The following PDPK1 variants were observed in gnomAD, a reference collection of about 807,000 sequenced individuals.
PDPK1 encodes 3-phosphoinositide dependent protein kinase 1.
In PDPK1, 7 loss-of-function variants were observed where a neutral mutation model predicts 39.8. That is an observed-to-expected ratio of 0.18 (90% confidence interval 0.10 to 0.33). The LOEUF (loss-of-function observed/expected upper bound fraction) is 0.33, where lower values mean the gene tolerates loss of function less well. Among genes scored for constraint, PDPK1 ranks in the 10% least tolerant of loss-of-function variants. PDPK1 has a pLI of 1.00. For synonymous variants in PDPK1, 118 were observed against 159.1 expected, an observed-to-expected ratio of 0.74 and a Z score of 1.95; for missense variants, 182 against 384.7, an observed-to-expected ratio of 0.47 and a Z score of 4.41.
chr16:2,579,536 G>A (rs2066780138), intron 7 of PDPK1: 1 of 126,950 alleles, frequency 7.9e-6, no homozygotes, highest in Admixed American at 8.2e-5. Flanking sequence ...CTGAACGGAT[G>A]ATGGTAGTTG....
At chr16:2,588,955 A>G (rs1179527392) in intron 11 of PDPK1, among the ~76,000 whole-genome samples, 4 of 151,942 alleles carry the variant, frequency 2.6e-5, no homozygotes, top group East Asian at 3.9e-4. Context: ...TTTGGTATCA[A>G]TATGTTTTGT....
intron 10 of PDPK1, among the ~76,000 whole-genome samples, chr16:2,584,924 G>T (rs923428430): frequency 6.6e-6 from 1 of 152,216 alleles, no homozygotes; most frequent in Non-Finnish European, 1.5e-5. Flanking sequence ...CTCCTGCGTG[G>T]TGTTTGGTTA....
intron 1 of PDPK1, among the ~76,000 whole-genome samples, chr16:2,541,409 G>T (rs187978518): frequency 5.3e-5 from 8 of 152,314 alleles, no homozygotes; most frequent in Admixed American, 5.2e-4. Flanking sequence ...GAAATGAGGG[G>T]GCAAGCGTGG....
chr16:2,558,063 C>T (rs1412911496), intron 2 of PDPK1, 100 bp downstream of exon 2: 2 of 1,424,250 alleles, frequency 1.4e-6, no homozygotes, highest in African/African-American at 1.4e-5. Context: ...GGCTGGTGTC[C>T]TTCCAGGCAG....
At chr16:2,595,503 G>A (rs988707819) in intron 11 of PDPK1, among the ~76,000 whole-genome samples, 1 of 152,184 alleles carries the variant, frequency 6.6e-6, no homozygotes, top group Admixed American at 6.5e-5. Context: ...TCTACAGCAC[G>A]GTCCTCCCCC....
rs1334157191 is a variant in PDPK1 at position 2,601,465 on chromosome 16, G to C, written c.*3698G>C. 8 of 234,460 alleles carry C rather than the reference G, an allele frequency of 3.4e-5. No individual in the cohort carries two copies. Among genetic ancestry groups the C allele is most frequent in the Admixed American group, 2.2e-4 (4 of 17,780 alleles). The allele number at this position is 234,460 out of a possible 1,614,324, so 14.5% of individuals were successfully genotyped here. ...CTGCTGCCGTGGCTTTCAAGCGCTT[G>C]GCAGAATCTTGTACTTCGTGTCCAC... On this transcript the variant is annotated 3_prime_UTR_variant, in exon 14 of 14. Coordinates refer to ENST00000342085, the MANE Select transcript of PDPK1 (RefSeq NM_002613.5).
At chr16:2,577,807 C>T (rs2066744883) in intron 7 of PDPK1, among the ~76,000 whole-genome samples, 1 of 149,340 alleles carries the variant, frequency 6.7e-6, no homozygotes, top group Non-Finnish European at 1.5e-5. Flanking sequence ...GGCACCATCT[C>T]TGCTCGCTGC....
At chr16:2,553,160 CT>C (rs1188885715) in intron 1 of PDPK1, among the ~76,000 whole-genome samples, 6 of 130,912 alleles carry the variant, frequency 4.6e-5, no homozygotes, top group Non-Finnish European at 7.9e-5. Context: ...TTGTGAGGAG[CT>C]TTTTTTTTTA....
At chr16:2,546,899 C>T (rs2066359195) in intron 1 of PDPK1, among the ~76,000 whole-genome samples, 1 of 151,366 alleles carries the variant, frequency 6.6e-6, no homozygotes, top group African/African-American at 2.5e-5. Flanking sequence ...CAGCAGCCCA[C>T]CTGTCTCAGA....
intron 1 of PDPK1, among the ~76,000 whole-genome samples, chr16:2,545,813 A>G (rs574125322): frequency 1.6e-4 from 24 of 151,918 alleles, no homozygotes. Flanking sequence ...TAATTTTTAA[A>G]ATTTTTTGTA....
chr16:2,597,448 A>T lies in PDPK1; in HGVS notation c.1554+173A>T, dbSNP rs1355617803. Among the ~76,000 whole-genome samples the T allele has an allele frequency of 1.3e-5, 2 of 152,048 alleles. No individual in the cohort carries two copies. The highest frequency in any genetic ancestry group is 2.9e-5 in the Non-Finnish European group (2 of 68,008). On this transcript the variant is annotated intron_variant, in intron 13 of 13. Coordinates refer to ENST00000342085, the MANE Select transcript of PDPK1 (RefSeq NM_002613.5). This position sits in a 1 kb window ranked among gnomAD's most constrained non-coding sequence, Gnocchi z 6.3. ...TGGCTCAGTCCTGAGGGGGCAGGGG[A>T]CACCCTGTGCTTGTTTTTCAGTTTG... is the stretch of plus-strand genomic sequence containing the variant.
chr16:2,591,758 C>T (rs374276319), intron 11 of PDPK1, among the ~76,000 whole-genome samples: 40 of 152,242 alleles, frequency 2.6e-4, no homozygotes, highest in Admixed American at 5.2e-4. Context: ...GGCACACTCT[C>T]CTCATTCATT....
At chr16:2,579,533 G>A (rs2066780031) in intron 7 of PDPK1, 1 of 126,682 alleles carries the variant, frequency 7.9e-6, no homozygotes, top group Non-Finnish European at 1.7e-5. Flanking sequence ...ACACTGAACG[G>A]ATGATGGTAG....
intron 11 of PDPK1, among the ~76,000 whole-genome samples, chr16:2,590,359 A>G (rs1044180603): frequency 1.3e-5 from 2 of 152,230 alleles, no homozygotes; most frequent in Non-Finnish European, 2.9e-5. Flanking sequence ...TGCCAGGGCA[A>G]TAGTCATATC....
At chr16:2,552,576 T>G (rs1341870832) in intron 1 of PDPK1, among the ~76,000 whole-genome samples, 1 of 136,320 alleles carries the variant, frequency 7.3e-6, no homozygotes, top group African/African-American at 2.9e-5. Flanking sequence ...TAGGGGGCAG[T>G]GACTCGTCAT....
At chr16:2,592,988 C>T (rs1401617459) in intron 11 of PDPK1, 2 of 456,680 alleles carry the variant, frequency 4.4e-6, no homozygotes, top group South Asian at 1.5e-5. Context: ...ATGGGTGACA[C>T]TGCTGGGAGT....
At chr16:2,544,552 A>G (rs1213332937) in intron 1 of PDPK1, among the ~76,000 whole-genome samples, 1 of 152,088 alleles carries the variant, frequency 6.6e-6, no homozygotes, top group Admixed American at 6.5e-5. Flanking sequence ...AACCTTTTCC[A>G]TATTTGCTTG....
At chr16:2,595,654 G>C in intron 11 of PDPK1, 139 bp from the exon 12 acceptor site, 1 of 703,618 alleles carries the variant, frequency 1.4e-6, no homozygotes, top group Non-Finnish European at 2.6e-6. Flanking sequence ...TGTGGCGAAC[G>C]TTCTCTGCTC....
rs949619662 is a variant in PDPK1 at position 2,602,668 on chromosome 16, A to G, written c.*4901A>G. On this transcript the variant is annotated 3_prime_UTR_variant, in exon 14 of 14. Coordinates refer to ENST00000342085, the MANE Select transcript of PDPK1 (RefSeq NM_002613.5). ...AGAGCTGCTGTAGCTGTTCCTTCAC[A>G]ACATAAAATAGGATAAATGACTAGT... 3 of 234,722 alleles carry G rather than the reference A, an allele frequency of 1.3e-5. No individual in the cohort carries two copies. Among genetic ancestry groups the G allele is most frequent in the African/African-American group, 6.6e-5 (3 of 45,340 alleles). The allele number at this position is 234,722 out of a possible 1,614,324, so 14.5% of individuals were successfully genotyped here. A position where few individuals can be genotyped will look rare whatever the true frequency, so the allele number is the denominator to read the frequency against.
Sources: allele counts gnomAD v4.1 joint callset (sites outside exome capture counted in the v4.1 genomes callset), GRCh38; gene constraint gnomAD v4.1.1; non-coding constraint Gnocchi (gnomAD v3.1); transcripts MANE v1.5; gene names NCBI Gene and HGNC (gene_info 2026-07-23, HGNC 2026-07-21).